The following RAB12 variants were observed in gnomAD, a reference collection of about 807,000 sequenced individuals.
RAB12 encodes the protein ras-related protein Rab-12.
Under a neutral mutation model 28.4 loss-of-function variants are expected in RAB12, and 11 were observed. That is an observed-to-expected ratio of 0.39 (90% CI 0.24 to 0.64). RAB12 has a LOEUF of 0.64. RAB12 is among the 30% of genes least tolerant of loss of function. RAB12 has a pLI of 0.50. For missense variants in RAB12, 276 were observed against 351.1 expected (o/e 0.79, Z 1.71); for synonymous variants, 138 against 145.3 (o/e 0.95, Z 0.36).
intron 3 of RAB12, among the ~76,000 whole-genome samples, chr18:8,633,919 G>A (rs1466128317): frequency 6.6e-6 from 1 of 152,162 alleles, no homozygotes; most frequent in African/African-American, 2.4e-5. Context: ...CATTTAGAAG[G>A]CAGAGCAGTT....
chr18:8,635,354 C>A, intron 3 of RAB12, 179 bp from the exon 4 acceptor site: 1 of 504,972 alleles, frequency 2.0e-6, no homozygotes. Context: ...TTCTAAGACA[C>A]AGTGAGCCCT....
chr18:8,626,201 G>C (rs528112299), intron 2 of RAB12, among the ~76,000 whole-genome samples: 7 of 152,332 alleles, frequency 4.6e-5, no homozygotes, highest in Admixed American at 4.6e-4. Context: ...GACTTTTTGT[G>C]CATTGCTGCC....
At chr18:8,623,010 C>T (rs981043538) in intron 1 of RAB12, among the ~76,000 whole-genome samples, 1 of 152,144 alleles carries the variant, frequency 6.6e-6, no homozygotes, top group African/African-American at 2.4e-5. Context: ...TGCTGTTATC[C>T]TGTTCTTTTT....
At position 8,637,278 on chromosome 18, in the gene RAB12, T is replaced by TAA. The variant is rs11375791; in HGVS notation, c.910-856_910-855dup. Among the ~76,000 whole-genome samples the TAA allele has an allele frequency of 4.9e-3, 705 of 144,102 alleles. 2 individuals are homozygous for TAA. Among genetic ancestry groups the TAA allele is most frequent in the African/African-American group, 8.8e-3 (345 of 39,154 alleles). 94.5% of individuals were successfully genotyped at this position (144,102 alleles called of 152,430 possible). A position where few individuals can be genotyped will look rare whatever the true frequency, so the allele number is the denominator to read the frequency against. ...GACAGAATGAGACACTGTCTCTATT[T>TAA]AAAAAAAAAAAAAAAAGTTTATATA... On this transcript the variant is annotated intron_variant, in intron 5 of 5. Coordinates refer to ENST00000649141, the MANE Select transcript of RAB12 (RefSeq NM_001025300.3).
At chr18:8,618,744 T>C (rs575993742) in intron 1 of RAB12, among the ~76,000 whole-genome samples, 15 of 152,226 alleles carry the variant, frequency 9.9e-5, no homozygotes, top group African/African-American at 3.6e-4. Flanking sequence ...GATCTCCTGA[T>C]CTCGTGATCC....
At chr18:8,635,216 C>G (rs972489024) in intron 3 of RAB12, 1 of 175,706 alleles carries the variant, frequency 5.7e-6, no homozygotes. Flanking sequence ...GTAGGTTTTT[C>G]AGTTGATAAC....
rs576466678 is a variant in RAB12, at chr18:8,616,397, A to C, written c.514+6444A>C. Among the ~76,000 whole-genome samples, 31 of 152,106 alleles carry C rather than the reference A, an allele frequency of 2.0e-4. No homozygotes were observed. The East Asian group carries it at 5.2e-3, about 26-fold the overall frequency. ...TGATTGTTAAAAAAAAAAAAAAAAA[A>C]AAACTTGTGAAACTGGGAAGCACAG... is the stretch of plus-strand genomic sequence containing the variant. On this transcript the variant is annotated intron_variant, in intron 1 of 5. Transcript: ENST00000649141.
In RAB12 at chr18:8,639,144, G is replaced by GTTC. The variant is rs2096020764; in HGVS notation, c.*885_*887dup. The GTTC allele has an allele frequency of 6.0e-5, 1 of 16,560 alleles. No homozygotes were observed. Among genetic ancestry groups the GTTC allele is most frequent in the Non-Finnish European group, 1.3e-4 (1 of 7,628 alleles). The allele number at this position is 16,560 out of a possible 1,614,324, so 1.0% of individuals were successfully genotyped here. Reference sequence around the variant, plus strand: ...CTTATTCTGATTAAGCCTAGACTGTGTTCTTTTTTTTTTTTTTTTTTTTTT... The same window carrying GTTC: ...CTTATTCTGATTAAGCCTAGACTGTGTTCTTCTTTTTTTTTTTTTTTTTTTTTT... On this transcript the variant is annotated 3_prime_UTR_variant, in exon 6 of 6. Coordinates refer to ENST00000649141, the MANE Select transcript of RAB12 (RefSeq NM_001025300.3).
rs1328195913 is a variant in RAB12, at chr18:8,638,405, A to G, written c.*143A>G. ...TACACTAACTTGTAAATATGCATAT[A>G]TGCAATCCTGGGTAAGTTTTGGTTA... is the stretch of plus-strand genomic sequence containing the variant. On this transcript the variant is annotated 3_prime_UTR_variant, in exon 6 of 6. Transcript: ENST00000649141. The G allele has an allele frequency of 1.6e-6, 1 of 615,318 alleles. No homozygotes were observed. Among genetic ancestry groups the G allele is most frequent in the South Asian group, 2.0e-5 (1 of 51,074 alleles). 38.1% of individuals were successfully genotyped at this position (615,318 alleles called of 1,614,324 possible).
intron 2 of RAB12, among the ~76,000 whole-genome samples, chr18:8,626,452 T>A (rs764995397): frequency 1.3e-5 from 2 of 152,248 alleles, no homozygotes; most frequent in Non-Finnish European, 2.9e-5. Flanking sequence ...GTGGCACATG[T>A]CTTAATTAAT....
chr18:8,615,661 A>G (rs977863180), intron 1 of RAB12, among the ~76,000 whole-genome samples: 2 of 152,188 alleles, frequency 1.3e-5, no homozygotes, highest in Non-Finnish European at 1.5e-5. Flanking sequence ...GTGTTGTGTG[A>G]TTAGGTTTAT....
chr18:8,613,517 T>G (rs1432476339), intron 1 of RAB12, among the ~76,000 whole-genome samples: 1 of 152,190 alleles, frequency 6.6e-6, no homozygotes, highest in Non-Finnish European at 1.5e-5. Context: ...TCTGTTTGAC[T>G]CTCATTAGTT....
intron 1 of RAB12, among the ~76,000 whole-genome samples, chr18:8,621,125 C>A (rs909954969): frequency 6.6e-6 from 1 of 152,166 alleles, no homozygotes; most frequent in African/African-American, 2.4e-5. Context: ...GTGAAGTCGC[C>A]ACCCTCTTTG....
At chr18:8,628,259 G>A (rs2096013967) in intron 2 of RAB12, among the ~76,000 whole-genome samples, 1 of 152,144 alleles carries the variant, frequency 6.6e-6, no homozygotes, top group Non-Finnish European at 1.5e-5. Context: ...GATTTTTATG[G>A]TGCTGGCACA....
At chr18:8,633,433 A>G (rs1420098255) in intron 3 of RAB12, 106 bp downstream of exon 3, 2 of 1,292,146 alleles carry the variant, frequency 1.5e-6, no homozygotes, top group Non-Finnish European at 2.2e-6. Context: ...TTTCATATAG[A>G]CTAAACATCA....
chr18:8,617,870 A>G (rs1299357485), intron 1 of RAB12, among the ~76,000 whole-genome samples: 1 of 152,234 alleles, frequency 6.6e-6, no homozygotes, highest in Non-Finnish European at 1.5e-5. Flanking sequence ...AAATATAGAC[A>G]GTAATATATA....
At chr18:8,624,397 G>A (rs994936977) in intron 1 of RAB12, among the ~76,000 whole-genome samples, 5 of 152,114 alleles carry the variant, frequency 3.3e-5, no homozygotes, top group Non-Finnish European at 5.9e-5. Context: ...GTTAATTTGT[G>A]TAAGAGTAAA....
At position 8,639,147 on chromosome 18, in the gene RAB12, CTT is replaced by C. The variant is rs71165796; in HGVS notation, c.*929_*930del. ...ATTCTGATTAAGCCTAGACTGTGTT[CTT>C]TTTTTTTTTTTTTTTTTTTTTTTTT... On this transcript the variant is annotated 3_prime_UTR_variant, in exon 6 of 6. Coordinates refer to ENST00000649141, the MANE Select transcript of RAB12 (RefSeq NM_001025300.3). 7 of 16,044 alleles carry C rather than the reference CTT, an allele frequency of 4.4e-4. No homozygotes were observed. The highest frequency in any genetic ancestry group is 2.0e-3 in the East Asian group (1 of 500). The allele number at this position is 16,044 out of a possible 1,614,324, so 1.0% of individuals were successfully genotyped here.
Position 8,636,359 on chromosome 18 carries a change from T to TTGTCC in RAB12, c.909+2_909+3insTGTCC. The stretch of plus-strand genomic sequence containing the variant: ...CTTGTCGATGACATTCTGAAAAAGG[T>TTGTCC]AAAAAAAAGAATCTACATTATAAAA... On this transcript the variant is annotated splice_region_variant and intron_variant, in intron 5 of 5. Coordinates refer to ENST00000649141, the MANE Select transcript of RAB12 (RefSeq NM_001025300.3). 2 of 1,536,282 alleles carry TTGTCC rather than the reference T, an allele frequency of 1.3e-6. No individual in the cohort carries two copies. Among genetic ancestry groups the TTGTCC allele is most frequent in the South Asian group, 1.1e-5 (1 of 87,054 alleles).
Sources: allele counts gnomAD v4.1 joint callset (sites outside exome capture counted in the v4.1 genomes callset), GRCh38; gene constraint gnomAD v4.1.1; transcripts MANE v1.5; gene names NCBI Gene and HGNC (gene_info 2026-07-23, HGNC 2026-07-21).